Variants in COL2A1 observed in about 807,000 individuals in gnomAD.
COL2A1 encodes the protein collagen alpha-1(II) chain.
Under a neutral mutation model 204.5 loss-of-function variants are expected in COL2A1, and 28 were observed. The ratio of observed to expected loss-of-function variants is 0.14; its 90% CI spans 0.10 to 0.19. The LOEUF is 0.19. COL2A1 is among the 10% of genes least tolerant of loss of function. The pLI is 1.00. For synonymous variants in COL2A1, 708 were observed against 718.7 expected, an observed-to-expected ratio of 0.99 and a Z score of 0.24; for missense variants, 1,388 against 2,027.5, an observed-to-expected ratio of 0.68 and a Z score of 6.06.
At position 47,976,633 on chromosome 12, in the gene COL2A1, TG is replaced by T. The variant is rs982743632; in HGVS notation, c.3436-67del. The T allele has an allele frequency of 1.3e-6, 2 of 1,548,532 alleles. No individual in the cohort carries two copies. The highest frequency in any genetic ancestry group is 1.4e-5 in the African/African-American group (1 of 73,652). ...ACATATCTATCTATATTCTGGGAGC[TG>T]GGGGAACAGCTTTATGTCCCAGCCC... On this transcript the variant is annotated intron_variant, in intron 48 of 53. Coordinates refer to ENST00000380518, the MANE Select transcript of COL2A1 (RefSeq NM_001844.5). This position sits in a 1 kb window ranked among gnomAD's most constrained non-coding sequence, Gnocchi z 4.3.
At position 47,973,289 on chromosome 12, in the gene COL2A1, A is replaced by G; in HGVS notation, c.*118T>C. On this transcript the variant is annotated 3_prime_UTR_variant, in exon 54 of 54. Transcript: ENST00000380518. Reference sequence around the variant, plus strand: ...AAAGTCCGAACTGTGAGAGGGTGGGATGAATGGACATCAGGTCAGGTCAGC... The same window carrying G: ...AAAGTCCGAACTGTGAGAGGGTGGGGTGAATGGACATCAGGTCAGGTCAGC... 1.5e-6 allele frequency: 2 copies of G among 1,325,330 alleles called. No homozygotes were observed. Among genetic ancestry groups the G allele is most frequent in the East Asian group, 4.6e-5 (2 of 43,566 alleles). 82.1% of individuals were successfully genotyped at this position (1,325,330 alleles called of 1,614,324 possible).
At position 47,980,522 on chromosome 12, in the gene COL2A1, G is replaced by A. The variant is rs1234108558; in HGVS notation, c.2625+32C>T. 1 of 1,557,270 alleles carries A rather than the reference G, an allele frequency of 6.4e-7. No homozygotes were observed. The highest frequency in any genetic ancestry group is 8.7e-7 in the Non-Finnish European group (1 of 1,143,700). On this transcript the variant is annotated intron_variant, in intron 39 of 53. Coordinates refer to ENST00000380518, the MANE Select transcript of COL2A1 (RefSeq NM_001844.5). This position sits in a 1 kb window ranked among gnomAD's most constrained non-coding sequence, Gnocchi z 4.5. ...CTGCACGCCAGGAGCCCTTCCTTGA[G>A]GGAACAATTCTTGGAGTGCAGCGTT...
chr12:48,001,879 T>C (rs1386305668), intron 1 of COL2A1, among the ~76,000 whole-genome samples: 1 of 152,146 alleles, frequency 6.6e-6, no homozygotes, highest in Non-Finnish European at 1.5e-5. Context: ...TTCCCCTCAT[T>C]ACCGCAGGGC....
At chr12:47,984,687 C>A in intron 27 of COL2A1, 88 bp from the exon 28 acceptor site, 1 of 1,261,944 alleles carries the variant, frequency 7.9e-7, no homozygotes, top group East Asian at 2.4e-5. Flanking sequence ...AGGCCTGGGG[C>A]CACATCCTGA....
At chr12:47,977,902 C>G in intron 44 of COL2A1, 108 bp downstream of exon 44, 1 of 1,119,236 alleles carries the variant, frequency 8.9e-7, no homozygotes. Context: ...GACACTGCCA[C>G]CCCCTTCTCC....
chr12:47,984,438 C>T, intron 28 of COL2A1, 108 bp downstream of exon 28: 1 of 1,171,322 alleles, frequency 8.5e-7, no homozygotes, highest in Non-Finnish European at 1.3e-6. Flanking sequence ...GAGATCAACA[C>T]TCAATACTGA....
chr12:48,004,221 G>A lies in COL2A1; in HGVS notation c.85+16C>T, dbSNP rs1356622208. 6.5e-7 allele frequency: 1 copy of A among 1,531,882 alleles called. No homozygotes were observed. Among genetic ancestry groups the A allele is most frequent in the South Asian group, 1.2e-5 (1 of 83,620 alleles). 94.9% of individuals were successfully genotyped at this position (1,531,882 alleles called of 1,614,324 possible). ...ATGGAAAGCAGGCAGGCAGGCAGGGGCGGGGGAAGACTTACGGACATCCTG... is the reference window on the plus strand; with the variant it reads ...ATGGAAAGCAGGCAGGCAGGCAGGGACGGGGGAAGACTTACGGACATCCTG... On this transcript the variant is annotated intron_variant, in intron 1 of 53. Coordinates refer to ENST00000380518, the MANE Select transcript of COL2A1 (RefSeq NM_001844.5).
intron 25 of COL2A1, 44 bp downstream of exon 25, chr12:47,985,684 C>A: frequency 6.2e-7 from 1 of 1,611,354 alleles, no homozygotes; most frequent in Non-Finnish European, 8.5e-7. Flanking sequence ...CCAGGAAGGG[C>A]CTGAGGGTCT....
At chr12:47,992,021 CTGCAAGGA>C (rs1939731971) in intron 16 of COL2A1, among the ~76,000 whole-genome samples, 1 of 152,234 alleles carries the variant, frequency 6.6e-6, no homozygotes, top group African/African-American at 2.4e-5. Flanking sequence ...TTGGCCAGCC[CTGCAAGGA>C]CCTGTGAGGA....
intron 46 of COL2A1, 60 bp from the exon 47 acceptor site, chr12:47,977,215 CA>C: frequency 6.3e-7 from 1 of 1,595,548 alleles, no homozygotes; most frequent in Non-Finnish European, 8.6e-7. Flanking sequence ...GCCTCCTCTG[CA>C]TCTGAGGCCA....
At chr12:48,002,744 C>T (rs1471653120) in intron 1 of COL2A1, 1 of 152,270 alleles carries the variant, frequency 6.6e-6, no homozygotes, top group Non-Finnish European at 1.5e-5. Context: ...TATAGTCAGT[C>T]TGAGTCCAGG....
intron 7 of COL2A1, 65 bp downstream of exon 7, chr12:47,997,541 G>A: frequency 6.2e-7 from 1 of 1,613,302 alleles, no homozygotes; most frequent in Non-Finnish European, 8.5e-7. Context: ...GTAAGTGCAA[G>A]CAGCAATTTA....
intron 6 of COL2A1, 43 bp from the exon 7 acceptor site, chr12:47,997,750 C>G (rs185296555): frequency 6.2e-7 from 1 of 1,613,870 alleles, no homozygotes; most frequent in Non-Finnish European, 8.5e-7. Flanking sequence ...AGCAGTGTTT[C>G]TCCAAGAGCC....
chr12:48,004,789 TCCGGCC>T (rs1270409732), upstream of COL2A1, among the ~76,000 whole-genome samples: 1 of 152,060 alleles, frequency 6.6e-6, no homozygotes, highest in Admixed American at 6.5e-5. Flanking sequence ...AAGGGTGGCC[TCCGGCC>T]CCTCCCCTCG....
At chr12:47,998,776 C>T (rs569130177) in intron 2 of COL2A1, 1 of 288,616 alleles carries the variant, frequency 3.5e-6, no homozygotes, top group Non-Finnish European at 6.5e-6. Flanking sequence ...CTCTTCCCCC[C>T]ACAGGGTAGG....
At chr12:47,984,635 G>C (rs750011427) in intron 27 of COL2A1, 36 bp from the exon 28 acceptor site, 1 of 1,606,270 alleles carries the variant, frequency 6.2e-7, no homozygotes, top group Admixed American at 1.7e-5. Flanking sequence ...TGAGGCGGAT[G>C]GTTTGGGAGG....
Position 47,987,649 on chromosome 12 carries a change from G to T in COL2A1, c.1183C>A (p.Pro395Thr), listed in dbSNP as rs755619830. The T allele has an allele frequency of 1.4e-5, 22 of 1,613,290 alleles. No homozygotes were observed. The South Asian group carries it at 2.3e-4, about 17-fold the overall frequency. Reference sequence around the variant, plus strand: ...GGCCCAGGGGACCCAGGAGTACCAGGTTCACCGCGAGGACCTTGAGCACCT... The same window carrying T: ...GGCCCAGGGGACCCAGGAGTACCAGTTTCACCGCGAGGACCTTGAGCACCT... ...PEGAQGPRGE[P>T]GTPGSPGPAG... The change falls in exon 19 of 54, where the codon CCT becomes ACT. Residue 395 changes from proline to threonine, a missense_variant. By Grantham distance (38) the Pro-to-Thr change is conservative. Transcript: ENST00000380518. This position sits in a 1 kb window ranked among gnomAD's most constrained non-coding sequence, Gnocchi z 4.1.
chr12:47,977,912 C>T, intron 44 of COL2A1, 98 bp downstream of exon 44: 1 of 1,209,052 alleles, frequency 8.3e-7, no homozygotes, highest in Admixed American at 1.9e-5. Flanking sequence ...CCCCCTTCTC[C>T]AGGGCCCTGA....
intron 28 of COL2A1, 56 bp from the exon 29 acceptor site, chr12:47,984,196 C>T (rs983125264): frequency 1.3e-6 from 2 of 1,526,190 alleles, no homozygotes; most frequent in Non-Finnish European, 9.0e-7. Context: ...CACTTGCAGT[C>T]CCCCTAGGAT....
Sources: gnomAD v4.1 joint callset for allele counts (sites outside exome capture counted in the v4.1 genomes callset) on GRCh38, gnomAD v4.1.1 for gene constraint, Gnocchi (gnomAD v3.1) non-coding constraint, MANE v1.5 for transcripts, NCBI Gene and HGNC (gene_info 2026-07-23, HGNC 2026-07-21) for gene names.